Variants in ERC2 observed in about 807,000 individuals in gnomAD.
ERC2 encodes ELKS/RAB6-interacting/CAST family member 2, also known as ERC protein 2.
Under a neutral mutation model 114.8 loss-of-function variants are expected in ERC2, and 42 were observed. The ratio of observed to expected loss-of-function variants is 0.37; its 90% CI spans 0.29 to 0.47. The LOEUF is 0.47. Ranked by LOEUF, ERC2 falls within the 20% of genes least tolerant of loss-of-function variation. The pLI is 0.99. For missense variants in ERC2, 939 were observed against 1,150.7 expected (o/e 0.82, Z 2.66); for synonymous variants, 454 against 425.5 (o/e 1.07, Z -0.82).
At position 56,395,055 on chromosome 3, in the gene ERC2, AG is replaced by A. The variant is rs1046827446; in HGVS notation, c.657+39295del. On this transcript the variant is annotated intron_variant, in intron 2 of 17. Transcript: ENST00000288221. ...ACATCACACTAAGTAAAAAAAAAAA[AG>A]TTGCAAAAAAATTTATATTATATAC... is the stretch of plus-strand genomic sequence containing the variant. Among the ~76,000 whole-genome samples, 111 of 151,688 alleles carry A rather than the reference AG, an allele frequency of 7.3e-4. 1 individual carries two copies. The highest frequency in any genetic ancestry group is 1.3e-3 in the Non-Finnish European group (91 of 67,846).
At chr3:56,356,668 CACAATT>C (rs2058756213) in intron 2 of ERC2, among the ~76,000 whole-genome samples, 1 of 152,140 alleles carries the variant, frequency 6.6e-6, no homozygotes, top group African/African-American at 2.4e-5. Flanking sequence ...ACGCATTCTC[CACAATT>C]CTGTGGTCCA....
At chr3:55,745,017 T>C (rs944776641) in intron 14 of ERC2, among the ~76,000 whole-genome samples, 1 of 152,234 alleles carries the variant, frequency 6.6e-6, no homozygotes, top group African/African-American at 2.4e-5. Context: ...GAGCTCCCCT[T>C]TATAGTGAAT....
intron 17 of ERC2, among the ~76,000 whole-genome samples, chr3:55,535,981 G>A (rs763490215): frequency 3.0e-4 from 45 of 152,014 alleles, no homozygotes; most frequent in Admixed American, 1.3e-4. Flanking sequence ...CCTGGGCAAC[G>A]AGAGCAAAAC....
intron 14 of ERC2, among the ~76,000 whole-genome samples, chr3:55,877,103 C>T (rs1472602662): frequency 6.6e-6 from 1 of 152,170 alleles, no homozygotes; most frequent in East Asian, 1.9e-4. Context: ...AGGCTAGTTA[C>T]AGGTTCCTCA....
intron 7 of ERC2, among the ~76,000 whole-genome samples, chr3:56,062,402 C>T (rs1466244914): frequency 6.6e-6 from 1 of 152,102 alleles, no homozygotes; most frequent in Non-Finnish European, 1.5e-5. Flanking sequence ...TGGCCAATTA[C>T]CATGTATCTA....
At chr3:55,947,585 C>A (rs559852625) in intron 13 of ERC2, among the ~76,000 whole-genome samples, 1 of 151,246 alleles carries the variant, frequency 6.6e-6, no homozygotes, top group South Asian at 2.1e-4. Flanking sequence ...CAGCAACTGT[C>A]ATTAGTTTTC....
In ERC2 at chr3:56,361,657, T is replaced by C. The variant is rs182921798; in HGVS notation, c.658-65222A>G. Among the ~76,000 whole-genome samples the C allele has an allele frequency of 2.3e-3, 346 of 152,292 alleles. 1 individual carries two copies. Among genetic ancestry groups the C allele is most frequent in the African/African-American group, 7.8e-3 (324 of 41,558 alleles). ...TTTTAGAGATAAGGCCATTGGACCA[T>C]GGAATACACCCAAGGACATCAGAAG... On this transcript the variant is annotated intron_variant, in intron 2 of 17. Transcript: ENST00000288221.
intron 13 of ERC2, among the ~76,000 whole-genome samples, chr3:55,930,462 C>A (rs940565073): frequency 2.0e-5 from 3 of 152,048 alleles, no homozygotes; most frequent in Non-Finnish European, 4.4e-5. Flanking sequence ...CATCTACAAC[C>A]ATCTGATCTT....
At chr3:55,913,237 C>T (rs932402195) in intron 13 of ERC2, among the ~76,000 whole-genome samples, 8 of 152,272 alleles carry the variant, frequency 5.3e-5, no homozygotes, top group Admixed American at 1.3e-4. Flanking sequence ...GATGTTTTCT[C>T]TATCGATAAA....
At chr3:56,219,847 C>T (rs1415585315) in intron 3 of ERC2, among the ~76,000 whole-genome samples, 1 of 152,130 alleles carries the variant, frequency 6.6e-6, no homozygotes, top group Non-Finnish European at 1.5e-5. Flanking sequence ...CAAACCACAA[C>T]TTTACTCCTG....
In ERC2 at chr3:56,235,400, A is replaced by G. The variant is rs184580703; in HGVS notation, c.1074+60619T>C. Among the ~76,000 whole-genome samples, 786 of 152,362 alleles carry G rather than the reference A, an allele frequency of 5.2e-3. 11 individuals carry two copies. The highest frequency in any genetic ancestry group is 0.018 in the African/African-American group (734 of 41,598). On this transcript the variant is annotated intron_variant, in intron 3 of 17. Coordinates refer to ENST00000288221, the MANE Select transcript of ERC2 (RefSeq NM_015576.3). ...GAAGTCACAAAATGAATACACATGG[A>G]CAAAATGAATACACATGGGCAAGGC...
Position 55,533,708 on chromosome 3 carries a change from G to A in ERC2, c.*40-22432C>T, listed in dbSNP as rs559416143. 1.1e-3 allele frequency among the ~76,000 whole-genome samples: 175 copies of A among 152,310 alleles called. 2 individuals are homozygous for A. In the South Asian group the frequency reaches 0.013, roughly 12 times the overall value. On this transcript the variant is annotated intron_variant, in intron 17 of 17. Coordinates refer to ENST00000288221, the MANE Select transcript of ERC2 (RefSeq NM_015576.3). ...GCCAGCAAACCAAACAGCAACACAC[G>A]TGTGCTGCTCCTGGGGAGATGCTTC...
intron 14 of ERC2, among the ~76,000 whole-genome samples, chr3:55,836,290 T>C (rs189804068): frequency 5.9e-5 from 9 of 152,114 alleles, no homozygotes; most frequent in African/African-American, 2.2e-4. Flanking sequence ...CAGCCCGCAT[T>C]GCCAAGTCAA....
chr3:55,705,795 A>G (rs901339615), intron 15 of ERC2, among the ~76,000 whole-genome samples: 1 of 152,148 alleles, frequency 6.6e-6, no homozygotes, highest in Non-Finnish European at 1.5e-5. Context: ...CTATTTACAG[A>G]CAGAAATTTA....
At position 56,331,244 on chromosome 3, in the gene ERC2, C is replaced by CT. The variant is rs147840192; in HGVS notation, c.658-34810dup. Among the ~76,000 whole-genome samples the CT allele has an allele frequency of 3.2e-3, 489 of 152,244 alleles. 10 individuals are homozygous for CT. The East Asian group carries it at 0.061, about 19-fold the overall frequency. On this transcript the variant is annotated intron_variant, in intron 2 of 17. Transcript: ENST00000288221. ...CCTGCTAAAGTTCTTCATCCCTGCCCTTTATTGTCTAAGTCTTTGATCTGC... is the reference window on the plus strand; with the variant it reads ...CCTGCTAAAGTTCTTCATCCCTGCCCTTTTATTGTCTAAGTCTTTGATCTGC...
At chr3:56,396,951 C>G (rs563428474) in intron 2 of ERC2, among the ~76,000 whole-genome samples, 1 of 152,060 alleles carries the variant, frequency 6.6e-6, no homozygotes, top group African/African-American at 2.4e-5. Flanking sequence ...TCAAACTTAA[C>G]GACTCCCTAC....
In ERC2 at chr3:55,746,599, T is replaced by C. The variant is rs947798085; in HGVS notation, c.2565-11681A>G. 8.5e-5 allele frequency among the ~76,000 whole-genome samples: 13 copies of C among 152,136 alleles called. 1 individual carries two copies. Among genetic ancestry groups the C allele is most frequent in the Admixed American group, 8.5e-4 (13 of 15,284 alleles). ...AAGTGAGTTTATTGGAGGCAGCTCC[T>C]TTGAGAGAGTTTTAATTCATGAGAA... On this transcript the variant is annotated intron_variant, in intron 14 of 17. Transcript: ENST00000288221.
chr3:55,932,968 G>A (rs771311365), intron 13 of ERC2, among the ~76,000 whole-genome samples: 2 of 152,176 alleles, frequency 1.3e-5, no homozygotes, highest in Admixed American at 6.5e-5. Context: ...CAACACTTTC[G>A]GAGGCCAAGG....
At chr3:56,373,625 G>A (rs2059430990) in intron 2 of ERC2, among the ~76,000 whole-genome samples, 2 of 152,156 alleles carry the variant, frequency 1.3e-5, no homozygotes, top group Admixed American at 1.3e-4. Flanking sequence ...AAATTTTTCT[G>A]CAAAGGGCCA....
Sources: allele counts gnomAD v4.1 joint callset (sites outside exome capture counted in the v4.1 genomes callset), GRCh38; gene constraint gnomAD v4.1.1; transcripts MANE v1.5; gene names NCBI Gene and HGNC (gene_info 2026-07-23, HGNC 2026-07-21).